Variants in CASC3 observed in about 807,000 individuals in gnomAD.
The protein encoded by CASC3 is CASC3 exon junction complex subunit, also known as protein CASC3.
In CASC3, 30 loss-of-function variants were observed where a neutral mutation model predicts 80.5. That is an observed-to-expected ratio of 0.37 (90% CI 0.28 to 0.51). The LOEUF (loss-of-function observed/expected upper bound fraction) is 0.51. Among genes scored for constraint, CASC3 ranks in the 20% least tolerant of loss-of-function variants. The pLI, the probability that CASC3 is intolerant of heterozygous loss-of-function variation, is 0.94. For missense variants in CASC3, 824 were observed against 922.2 expected (o/e 0.89, Z 1.38); for synonymous variants, 312 against 333.6 (o/e 0.94, Z 0.70).
Position 40,164,106 on chromosome 17 carries a change from A to G in CASC3, c.1411A>G (p.Ile471Val). The G allele has an allele frequency of 1.2e-6, 2 of 1,613,578 alleles. No individual in the cohort carries two copies. The highest frequency in any genetic ancestry group is 8.5e-7 in the Non-Finnish European group (1 of 1,180,014). Residue 471 changes from isoleucine (I) to valine (V), a missense_variant, in exon 7 of 14, where the codon ATA becomes GTA. Physicochemically the swap from Ile to Val is conservative, Grantham distance 29 (BLOSUM62 3). This residue lies in a region of CASC3 where 464 missense variants were observed against 506.0 expected (regional missense o/e 0.92). Coordinates refer to ENST00000264645, the MANE Select transcript of CASC3 (RefSeq NM_007359.5). ...TGAGCAAGATGTGGCACAACTAAAT[A>G]TAGCAGAACAGAATTGGAGTCCGGG... ...GLEQDVAQLNIAEQNWSPGQP... is the reference protein window; with the variant it reads ...GLEQDVAQLNVAEQNWSPGQP...
chr17:40,170,410 A>G (rs1468965855), intron 13 of CASC3, 37 bp from the exon 14 acceptor site: 1 of 985,328 alleles, frequency 1.0e-6, no homozygotes, highest in Non-Finnish European at 1.2e-6. Flanking sequence ...GCCCACTAAC[A>G]CTTTGGTGGT....
rs987332816 is a variant in CASC3, at chr17:40,162,948, C to T, written c.785+47C>T. The stretch of plus-strand genomic sequence containing the variant: ...AGACCAGGCTGGGTATGGTGGCTTA[C>T]GGTGGCTTACACCTGGAATCCCGGC... On this transcript the variant is annotated intron_variant, in intron 6 of 13. Transcript: ENST00000264645. The T allele has an allele frequency of 7.1e-6, 11 of 1,552,962 alleles. No homozygotes were observed. The East Asian group carries it at 9.0e-5, about 13-fold the overall frequency.
In CASC3 at chr17:40,163,860, G is replaced by C; in HGVS notation, c.1165G>C (p.Asp389His). 2 of 1,614,212 alleles carry C rather than the reference G, an allele frequency of 1.2e-6. No individual in the cohort carries two copies. Residue 389 changes from aspartate (D) to histidine (H), a missense_variant, in exon 7 of 14, where the codon GAT (aspartate) becomes CAT (histidine). Physicochemically the swap from Asp to His is moderately conservative, Grantham distance 81 (BLOSUM62 -1). Around this residue, in one of 3 missense-constraint regions of CASC3, gnomAD observed 464 missense variants for 506.0 expected, o/e 0.92. Coordinates refer to ENST00000264645, the MANE Select transcript of CASC3 (RefSeq NM_007359.5). ...CTCAGAGCCACCAGCTGCTGCTCCT[G>C]ATGCTGCACCACCACCCCCTGATAG... is the stretch of plus-strand genomic sequence containing the variant. Reference protein sequence around the residue: ...AASEPPAAAPDAAPPPPDRPI... With the variant: ...AASEPPAAAPHAAPPPPDRPI...
chr17:40,155,252 ATTTTG>A (rs1302922239), intron 3 of CASC3, among the ~76,000 whole-genome samples: 2 of 146,106 alleles, frequency 1.4e-5, no homozygotes, highest in African/African-American at 2.5e-5. Flanking sequence ...GTAAGGTTTT[ATTTTG>A]TTTTGTTTTG....
At chr17:40,149,734 G>A (rs1043678908) in intron 3 of CASC3, among the ~76,000 whole-genome samples, 5 of 152,180 alleles carry the variant, frequency 3.3e-5, no homozygotes, top group Admixed American at 6.6e-5. Flanking sequence ...AGCTGGGTGC[G>A]GTGGCTCACG....
chr17:40,151,338 G>T (rs1989002125), intron 3 of CASC3, among the ~76,000 whole-genome samples: 1 of 152,080 alleles, frequency 6.6e-6, no homozygotes, highest in Non-Finnish European at 1.5e-5. Flanking sequence ...CAGCCTCCCG[G>T]ATAGCTGAGG....
At chr17:40,160,822 C>G (rs1023211449) in intron 3 of CASC3, among the ~76,000 whole-genome samples, 1 of 151,956 alleles carries the variant, frequency 6.6e-6, no homozygotes, top group East Asian at 1.9e-4. Context: ...ACGCCTGCCT[C>G]GGCCTCCCAA....
At chr17:40,164,522 A>G (rs1989395127) in intron 7 of CASC3, among the ~76,000 whole-genome samples, 1 of 150,496 alleles carries the variant, frequency 6.6e-6, no homozygotes, top group African/African-American at 2.5e-5. Flanking sequence ...ATCTCGGCTC[A>G]CTGTAATGTC....
chr17:40,169,779 G>T, intron 13 of CASC3, 117 bp downstream of exon 13: 2 of 507,498 alleles, frequency 3.9e-6, no homozygotes, highest in South Asian at 2.5e-5. Context: ...TTTTTGAGAC[G>T]GCGTCTCAGT....
At chr17:40,142,028 A>G (rs1368773960) in intron 3 of CASC3, among the ~76,000 whole-genome samples, 1 of 152,184 alleles carries the variant, frequency 6.6e-6, no homozygotes, top group African/African-American at 2.4e-5. Flanking sequence ...CCATCATTTT[A>G]TAGGTGGGGA....
chr17:40,166,420 G>C (rs1453442877), intron 7 of CASC3, among the ~76,000 whole-genome samples: 2 of 152,100 alleles, frequency 1.3e-5, no homozygotes, highest in Non-Finnish European at 2.9e-5. Context: ...TCCCTCCCTT[G>C]TCCAGCTGTT....
intron 1 of CASC3, 148 bp downstream of exon 1, chr17:40,140,927 G>T (rs1988697468): frequency 2.9e-6 from 2 of 679,274 alleles, no homozygotes; most frequent in East Asian, 5.8e-5. Flanking sequence ...ATCCCAATGC[G>T]AGTTTGCATC....
chr17:40,159,711 A>ATTTT (rs71152647), intron 3 of CASC3, among the ~76,000 whole-genome samples: 79 of 93,156 alleles, frequency 8.5e-4, no homozygotes, highest in African/African-American at 2.9e-3. Context: ...TTCCTGGCGA[A>ATTTT]TTTTTTTTTT....
At chr17:40,140,996 G>A (rs964347107) in intron 1 of CASC3, 1 of 632,950 alleles carries the variant, frequency 1.6e-6, no homozygotes, top group Non-Finnish European at 2.7e-6. Context: ...AGAGCCGCTG[G>A]AGATGGAAAG....
chr17:40,160,497 GAA>G (rs948310970), intron 3 of CASC3, among the ~76,000 whole-genome samples: 1 of 127,270 alleles, frequency 7.9e-6, no homozygotes. Context: ...TCTCAAAACA[GAA>G]AAAAAAAAAA....
chr17:40,149,970 A>G (rs1162718218), intron 3 of CASC3, among the ~76,000 whole-genome samples: 1 of 152,166 alleles, frequency 6.6e-6, no homozygotes, highest in Non-Finnish European at 1.5e-5. Flanking sequence ...GGTATTCTTG[A>G]CTAAGTACAT....
At chr17:40,159,922 G>A (rs2145172473) in intron 3 of CASC3, among the ~76,000 whole-genome samples, 1 of 151,814 alleles carries the variant, frequency 6.6e-6, no homozygotes, top group Non-Finnish European at 1.5e-5. Flanking sequence ...CACCATGTTG[G>A]CCAGGCTGGT....
At chr17:40,140,929 G>C (rs1009948970) in intron 1 of CASC3, 150 bp downstream of exon 1, 1 of 673,142 alleles carries the variant, frequency 1.5e-6, no homozygotes, top group African/African-American at 1.8e-5. Flanking sequence ...CCCAATGCGA[G>C]TTTGCATCCG....
At chr17:40,168,449 T>G in intron 11 of CASC3, 32 bp downstream of exon 11, 8 of 1,556,254 alleles carry the variant, frequency 5.1e-6, no homozygotes, top group Non-Finnish European at 6.2e-6. Flanking sequence ...TTTTTCTAGA[T>G]ACACATTCTT....
Sources: allele counts gnomAD v4.1 joint callset (sites outside exome capture counted in the v4.1 genomes callset), GRCh38; gene constraint gnomAD v4.1.1; regional missense constraint gnomAD v4.1.1; transcripts MANE v1.5; gene names NCBI Gene and HGNC (gene_info 2026-07-23, HGNC 2026-07-21).